The following ARL13B variants were observed in gnomAD, a reference collection of about 807,000 sequenced individuals.
ARL13B encodes ADP-ribosylation factor-like protein 13B.
A neutral mutation model predicts 56.1 loss-of-function variants in ARL13B; 36 were observed. The observed-to-expected ratio is 0.64, with a 90% CI of 0.49 to 0.85. The LOEUF (loss-of-function observed/expected upper bound fraction) is 0.85. Ranked by LOEUF, ARL13B falls within the 40% of genes least tolerant of loss-of-function variation. The pLI, the probability that ARL13B is intolerant of heterozygous loss-of-function variation, is 0.00. For missense variants in ARL13B, 519 were observed against 507.1 expected, an observed-to-expected ratio of 1.02 and a Z score of -0.23; for synonymous variants, 178 against 171.1, an observed-to-expected ratio of 1.04 and a Z score of -0.32.
chr3:94,012,156 C>A (rs542836455), intron 3 of ARL13B, among the ~76,000 whole-genome samples: 1 of 152,086 alleles, frequency 6.6e-6, no homozygotes, highest in African/African-American at 2.4e-5. Flanking sequence ...ATCTGCACTT[C>A]CAGTTTTTTA....
At chr3:94,007,099 A>G (rs2076148096) in intron 3 of ARL13B, among the ~76,000 whole-genome samples, 1 of 152,138 alleles carries the variant, frequency 6.6e-6, no homozygotes, top group African/African-American at 2.4e-5. Context: ...AGCCTAAACT[A>G]GTTGAGGTAA....
intron 5 of ARL13B, among the ~76,000 whole-genome samples, chr3:94,038,860 C>T (rs1407647371): frequency 6.6e-6 from 1 of 151,986 alleles, no homozygotes. Context: ...ATGTATGGAA[C>T]AACATTACTA....
intron 3 of ARL13B, among the ~76,000 whole-genome samples, chr3:94,006,879 T>C (rs1309670636): frequency 1.3e-5 from 2 of 152,106 alleles, no homozygotes; most frequent in African/African-American, 4.8e-5. Flanking sequence ...TGCTGTATAA[T>C]AAGTAGAAAA....
intron 7 of ARL13B, 105 bp from the exon 8 acceptor site, chr3:94,049,301 T>A: frequency 1.6e-6 from 1 of 626,588 alleles, no homozygotes; most frequent in Non-Finnish European, 2.8e-6. Flanking sequence ...ATAGTCAAGA[T>A]GTTTTTTGTT....
In ARL13B at chr3:94,055,658, A is replaced by C. The variant is rs1351024499; in HGVS notation, c.*2395A>C. ...TTGTATGTAACTGACTTCAAATATA[A>C]AACTATGCATAGAAACAACACTAGA... On this transcript the variant is annotated 3_prime_UTR_variant, in exon 10 of 10. Transcript: ENST00000394222. 1 of 452,286 alleles carries C rather than the reference A, an allele frequency of 2.2e-6. No homozygotes were observed. The highest frequency in any genetic ancestry group is 1.6e-5 in the South Asian group (1 of 64,098). The allele number at this position is 452,286 out of a possible 1,614,324, so 28.0% of individuals were successfully genotyped here. A position where few individuals can be genotyped will look rare whatever the true frequency, so the allele number is the denominator to read the frequency against.
chr3:94,042,270 T>G (rs1267804276), intron 6 of ARL13B, among the ~76,000 whole-genome samples: 3 of 152,126 alleles, frequency 2.0e-5, no homozygotes. Flanking sequence ...GATTCATTTT[T>G]TCTGAAGGGA....
intron 3 of ARL13B, chr3:94,015,271 T>G: frequency 6.5e-7 from 1 of 1,528,314 alleles, no homozygotes; most frequent in African/African-American, 1.4e-5. Flanking sequence ...GTCTTTCATC[T>G]TCCCTTTCCT....
intron 3 of ARL13B, among the ~76,000 whole-genome samples, chr3:94,026,501 G>C (rs537688209): frequency 3.9e-5 from 6 of 152,154 alleles, no homozygotes; most frequent in Non-Finnish European, 7.4e-5. Flanking sequence ...ACATTTTCTA[G>C]TAGTTGCATA....
At chr3:94,025,072 G>A (rs1472324712) in intron 3 of ARL13B, among the ~76,000 whole-genome samples, 2 of 152,054 alleles carry the variant, frequency 1.3e-5, no homozygotes, top group Non-Finnish European at 2.9e-5. Context: ...CACTGATTTT[G>A]GAAAGCAGGA....
Position 94,055,614 on chromosome 3 carries a change from T to C in ARL13B, c.*2351T>C, listed in dbSNP as rs1214788063. On this transcript the variant is annotated 3_prime_UTR_variant, in exon 10 of 10. Transcript: ENST00000394222. ...TGTGCCTTTATGTGTAAAATGCATA[T>C]TACGTAGTATACATGATATTGTATG... 4.4e-6 allele frequency: 2 copies of C among 453,876 alleles called. No individual in the cohort carries two copies. The highest frequency in any genetic ancestry group is 7.0e-5 in the East Asian group (1 of 14,386). The allele number at this position is 453,876 out of a possible 1,614,324, so 28.1% of individuals were successfully genotyped here. A position where few individuals can be genotyped will look rare whatever the true frequency, so the allele number is the denominator to read the frequency against.
intron 1 of ARL13B, among the ~76,000 whole-genome samples, chr3:93,982,800 C>A (rs894640661): frequency 6.6e-6 from 1 of 152,122 alleles, no homozygotes; most frequent in Non-Finnish European, 1.5e-5. Context: ...AAATATTTGC[C>A]AAATATTGTA....
At chr3:94,011,919 C>G (rs936982334) in intron 3 of ARL13B, among the ~76,000 whole-genome samples, 1 of 152,084 alleles carries the variant, frequency 6.6e-6, no homozygotes, top group Non-Finnish European at 1.5e-5. Flanking sequence ...TTCTATAATT[C>G]CTTGAAACTG....
At chr3:94,035,058 A>T (rs2076742722) in intron 3 of ARL13B, among the ~76,000 whole-genome samples, 1 of 152,140 alleles carries the variant, frequency 6.6e-6, no homozygotes, top group Non-Finnish European at 1.5e-5. Flanking sequence ...CAACATGGCG[A>T]AACCCAGTCT....
intron 1 of ARL13B, among the ~76,000 whole-genome samples, chr3:93,985,124 C>G (rs1443410865): frequency 6.6e-6 from 1 of 152,188 alleles, no homozygotes; most frequent in Admixed American, 6.5e-5. Context: ...ATTACATTCA[C>G]ATATACTTTT....
At chr3:93,995,983 A>G in intron 2 of ARL13B, 39 bp downstream of exon 2, 1 of 1,577,178 alleles carries the variant, frequency 6.3e-7, no homozygotes, top group Non-Finnish European at 8.7e-7. Flanking sequence ...GAACTCTATT[A>G]AATTATTCTG....
Position 93,980,459 on chromosome 3 carries a change from C to G in ARL13B, c.36C>G (p.Phe12Leu). 2 of 1,612,272 alleles carry G rather than the reference C, an allele frequency of 1.2e-6. No homozygotes were observed. The highest frequency in any genetic ancestry group is 2.2e-5 in the East Asian group (1 of 44,842). Residue 12 changes from phenylalanine to leucine, a missense_variant, in exon 1 of 10, where the codon TTC (phenylalanine) becomes TTG (leucine). Coordinates refer to ENST00000394222, the MANE Select transcript of ARL13B (RefSeq NM_001174150.2). The stretch of plus-strand genomic sequence containing the variant: ...TGATGGCCAGTTGCTGCGGCTGGTT[C>G]AAGCGGTGGCGGGAGCCTGTCAGGT... ...FSLMASCCGW[F>L]KRWREPVRKV...
At chr3:94,019,032 C>T (rs1477930476) in intron 3 of ARL13B, among the ~76,000 whole-genome samples, 1 of 152,182 alleles carries the variant, frequency 6.6e-6, no homozygotes, top group Non-Finnish European at 1.5e-5. Context: ...TCCCAAAGTG[C>T]TGGGATTACA....
chr3:94,046,250 A>T (rs2076982691), intron 7 of ARL13B, among the ~76,000 whole-genome samples: 1 of 152,096 alleles, frequency 6.6e-6, no homozygotes, highest in Non-Finnish European at 1.5e-5. Context: ...AAGTTTCTTC[A>T]TGTCCTTTAG....
At chr3:94,038,862 A>C (rs1201243533) in intron 5 of ARL13B, among the ~76,000 whole-genome samples, 1 of 152,096 alleles carries the variant, frequency 6.6e-6, no homozygotes, top group East Asian at 1.9e-4. Context: ...GTATGGAACA[A>C]CATTACTATA....
Sources: allele counts gnomAD v4.1 joint callset (sites outside exome capture counted in the v4.1 genomes callset), GRCh38; gene constraint gnomAD v4.1.1; transcripts MANE v1.5; gene names NCBI Gene and HGNC (gene_info 2026-07-23, HGNC 2026-07-21).